The following PROM1 variants were observed in gnomAD, a reference collection of about 807,000 sequenced individuals.
The protein encoded by PROM1 is prominin 1, also known as prominin-1.
Under a neutral mutation model 116.9 loss-of-function variants are expected in PROM1, and 105 were observed. That is an observed-to-expected ratio of 0.90 (90% CI 0.77 to 1.06). PROM1 has a LOEUF of 1.06. Among genes scored for constraint, PROM1 ranks in the 50% least tolerant of loss-of-function variants. The pLI is 0.00. For synonymous variants in PROM1, 393 were observed against 387.0 expected (o/e 1.02, Z -0.18); for missense variants, 1,122 against 1,045.2 (o/e 1.07, Z -1.01).
intron 26 of PROM1, among the ~76,000 whole-genome samples, chr4:15,973,705 G>A (rs570381103): frequency 6.6e-6 from 1 of 152,278 alleles, no homozygotes; most frequent in South Asian, 2.1e-4. Flanking sequence ...AGTGAAGACT[G>A]GGAAAAATAA....
At chr4:15,996,054 T>C (rs1394145170) in intron 15 of PROM1, among the ~76,000 whole-genome samples, 1 of 152,198 alleles carries the variant, frequency 6.6e-6, no homozygotes, top group Non-Finnish European at 1.5e-5. Context: ...GTAGTTAGTA[T>C]GGTACCTAGC....
intron 2 of PROM1, among the ~76,000 whole-genome samples, chr4:16,060,954 T>A (rs967038136): frequency 6.6e-6 from 1 of 152,234 alleles, no homozygotes; most frequent in African/African-American, 2.4e-5. Flanking sequence ...CTTGTCACCT[T>A]TGGTCTGCAT....
At chr4:16,029,221 CA>C (rs1416869421) in intron 5 of PROM1, among the ~76,000 whole-genome samples, 1 of 152,208 alleles carries the variant, frequency 6.6e-6, no homozygotes, top group Non-Finnish European at 1.5e-5. Flanking sequence ...AATTGGCAAT[CA>C]CGTCCTAGTA....
intron 26 of PROM1, among the ~76,000 whole-genome samples, chr4:15,978,900 T>G (rs1425399343): frequency 6.6e-6 from 1 of 152,146 alleles, no homozygotes; most frequent in Non-Finnish European, 1.5e-5. Flanking sequence ...AGCTCCTTAA[T>G]TCTAGAGAAT....
At chr4:16,060,203 T>A (rs985651161) in intron 2 of PROM1, among the ~76,000 whole-genome samples, 1 of 152,212 alleles carries the variant, frequency 6.6e-6, no homozygotes, top group African/African-American at 2.4e-5. Context: ...ATAAATAGGT[T>A]ATCCCTGCAT....
intron 5 of PROM1, among the ~76,000 whole-genome samples, chr4:16,029,360 G>GTTT (rs34482141): frequency 1.3e-5 from 2 of 149,814 alleles, no homozygotes; most frequent in African/African-American, 4.9e-5. Flanking sequence ...TCAAGTCATG[G>GTTT]TTTTTTTTTT....
chr4:16,013,698 C>T (rs1191872239), intron 10 of PROM1, among the ~76,000 whole-genome samples: 1 of 152,108 alleles, frequency 6.6e-6, no homozygotes, highest in Non-Finnish European at 1.5e-5. Context: ...TTGGCAAAGT[C>T]TGGAGACATT....
chr4:15,982,959 G>A (rs1396376042), intron 23 of PROM1, among the ~76,000 whole-genome samples: 1 of 152,172 alleles, frequency 6.6e-6, no homozygotes, highest in African/African-American at 2.4e-5. Flanking sequence ...GGGATGAACT[G>A]TGCCAGAGAG....
chr4:16,032,650 C>T (rs1033260080), intron 5 of PROM1, among the ~76,000 whole-genome samples: 1 of 152,076 alleles, frequency 6.6e-6, no homozygotes, highest in African/African-American at 2.4e-5. Context: ...TTCAGATGAG[C>T]AATCTAATTT....
At chr4:16,002,850 A>G (rs1250201400) in intron 13 of PROM1, among the ~76,000 whole-genome samples, 3 of 152,238 alleles carry the variant, frequency 2.0e-5, no homozygotes, top group Admixed American at 2.0e-4. Context: ...GATCAGGGGT[A>G]GGGGAACCAC....
intron 5 of PROM1, among the ~76,000 whole-genome samples, chr4:16,031,401 G>A (rs1172600069): frequency 2.0e-5 from 3 of 152,052 alleles, no homozygotes; most frequent in Non-Finnish European, 4.4e-5. Context: ...GGCTGTAACC[G>A]AGATTCTTCT....
At chr4:16,060,387 G>A (rs368027838) in intron 2 of PROM1, among the ~76,000 whole-genome samples, 31 of 150,100 alleles carry the variant, frequency 2.1e-4, no homozygotes, top group African/African-American at 7.1e-4. Context: ...TCGGCTCACC[G>A]CAACCTCCAC....
chr4:15,983,491 G>A (rs1034290428), intron 23 of PROM1, among the ~76,000 whole-genome samples: 2 of 152,212 alleles, frequency 1.3e-5, no homozygotes, highest in African/African-American at 4.8e-5. Flanking sequence ...TTAAAGTGGG[G>A]AGTGGGTAGG....
chr4:16,017,250 G>A (rs886316003), intron 9 of PROM1, among the ~76,000 whole-genome samples: 3 of 152,078 alleles, frequency 2.0e-5, no homozygotes, highest in African/African-American at 7.2e-5. Flanking sequence ...GTGCAAAATC[G>A]TGACCCTTGA....
chr4:16,000,354 G>C (rs1723454367), intron 14 of PROM1, 142 bp downstream of exon 14: 1 of 681,710 alleles, frequency 1.5e-6, no homozygotes, highest in Non-Finnish European at 2.1e-6. Flanking sequence ...AAAATTTATT[G>C]AATTTAATAA....
intron 1 of PROM1, among the ~76,000 whole-genome samples, chr4:16,079,064 C>T (rs1744506126): frequency 6.9e-6 from 1 of 144,232 alleles, no homozygotes; most frequent in Admixed American, 7.0e-5. Context: ...GCAAGCACAA[C>T]ACACCACATG....
chr4:16,080,887 C>A (rs1465716776), intron 1 of PROM1, among the ~76,000 whole-genome samples: 1 of 152,320 alleles, frequency 6.6e-6, no homozygotes, highest in East Asian at 1.9e-4. Flanking sequence ...CCAGTAGCCA[C>A]ATCCAGGGTC....
intron 13 of PROM1, chr4:16,003,206 C>CGCAT (rs1045294067): frequency 9.1e-6 from 4 of 438,968 alleles, no homozygotes; most frequent in African/African-American, 8.0e-5. Flanking sequence ...TGATCTTCCA[C>CGCAT]GCATGGATGT....
Position 16,000,515 on chromosome 4 carries a change from G to T in PROM1, c.1559C>A (p.Thr520Lys). The change falls in exon 14 of 28, where the codon ACG becomes AAG. Residue 520 changes from threonine (T) to lysine (K), a missense_variant. Thr to Lys is a moderately conservative substitution (Grantham distance 78). Transcript: ENST00000447510. Reference protein sequence around the residue: ...NVEKLICEPYTSKELFRVLDT... With the variant: ...NVEKLICEPYKSKELFRVLDT... ...ATTTACCCGGAATAATTCCTTGCTCGTGTAAGGTTCACAGATCAGTTTTTC... is the reference window on the plus strand; with the variant it reads ...ATTTACCCGGAATAATTCCTTGCTCTTGTAAGGTTCACAGATCAGTTTTTC... 6.3e-7 allele frequency: 1 copy of T among 1,593,068 alleles called. No homozygotes were observed. The highest frequency in any genetic ancestry group is 8.6e-7 in the Non-Finnish European group (1 of 1,161,912).
Sources: allele counts gnomAD v4.1 joint callset (sites outside exome capture counted in the v4.1 genomes callset), GRCh38; gene constraint gnomAD v4.1.1; transcripts MANE v1.5; gene names NCBI Gene and HGNC (gene_info 2026-07-23, HGNC 2026-07-21).